Variants in JRK observed in about 807,000 individuals in gnomAD.
The protein encoded by JRK is jerky protein homolog.
For missense variants in JRK, 720 were observed against 509.2 expected, an observed-to-expected ratio of 1.41 and a Z score of -3.98; for synonymous variants, 303 against 218.1, an observed-to-expected ratio of 1.39 and a Z score of -3.43.
chr8:142,664,782 G>C lies in JRK; in HGVS notation c.1277C>G (p.Ser426Cys), dbSNP rs2129758942. The C allele has an allele frequency of 6.3e-7, 1 of 1,590,646 alleles. No individual in the cohort carries two copies. The highest frequency in any genetic ancestry group is 8.6e-7 in the Non-Finnish European group (1 of 1,169,290). The change falls in exon 2 of 2, where the codon TCC (serine) becomes TGC (cysteine). Residue 426 changes from serine to cysteine, a missense_variant. Physicochemically the swap from Ser to Cys is moderately radical, Grantham distance 112. Transcript: ENST00000612905. ...CTGGCGAAGCTGGCCCGGGCAGGAG[G>C]AGCCTTCCTTCACAAGCTCCAGGAT... is the stretch of plus-strand genomic sequence containing the variant. ...AHILELVKEG[S>C]SCPGQLRQRQ...
Position 142,665,740 on chromosome 8 carries a change from C to A in JRK, c.319G>T (p.Val107Leu), listed in dbSNP as rs782530496. The A allele has an allele frequency of 1.2e-5, 9 of 772,280 alleles. No homozygotes were observed. In the South Asian group the frequency reaches 1.2e-4, roughly 11 times the overall value. 47.8% of individuals were successfully genotyped at this position (772,280 alleles called of 1,614,324 possible). ...FLGKRSEGVP[V>L]SGPMLIEKAK... The stretch of plus-strand genomic sequence containing the variant: ...TTCTCGATGAGCATGGGGCCTGACA[C>A]GGGGACGCCCTCGGAGCGCTTCCCC... Residue 107 changes from valine to leucine, a missense_variant, in exon 2 of 2, where the codon GTG (valine) becomes TTG (leucine). By Grantham distance (32) the Val-to-Leu change is conservative (BLOSUM62 1). Coordinates refer to ENST00000612905, the MANE Select transcript of JRK (RefSeq NM_003724.4).
At chr8:142,667,898 C>T (rs371753483) in intron 1 of JRK, among the ~76,000 whole-genome samples, 2 of 152,380 alleles carry the variant, frequency 1.3e-5, no homozygotes, top group Middle Eastern at 3.4e-3. Flanking sequence ...ACACCCGAGC[C>T]GACTGGCAGG....
intron 1 of JRK, among the ~76,000 whole-genome samples, chr8:142,669,279 A>C (rs1048412338): frequency 2.0e-5 from 3 of 150,230 alleles, no homozygotes; most frequent in Non-Finnish European, 3.0e-5. Context: ...CTGGGGGAAG[A>C]GGTGAGCTGG....
intron 1 of JRK, among the ~76,000 whole-genome samples, chr8:142,669,508 A>G (rs587764145): frequency 3.2e-4 from 49 of 152,292 alleles, no homozygotes; most frequent in African/African-American, 9.9e-4. Context: ...AGTCTGGGAC[A>G]AGAACAAGAA....
chr8:142,663,857 C>T lies in JRK; in HGVS notation c.*495G>A, dbSNP rs1397276994. 6.1e-6 allele frequency: 6 copies of T among 988,132 alleles called. No homozygotes were observed. The highest frequency in any genetic ancestry group is 1.7e-5 in the African/African-American group (1 of 57,372). The allele number at this position is 988,132 out of a possible 1,614,324, so 61.2% of individuals were successfully genotyped here. On this transcript the variant is annotated 3_prime_UTR_variant, in exon 2 of 2. Transcript: ENST00000612905. ...CCATCGGACCTCAGGCAACCGTGCTCGGGGTCCACCCAACACGGGGATGGC... is the reference window on the plus strand; with the variant it reads ...CCATCGGACCTCAGGCAACCGTGCTTGGGGTCCACCCAACACGGGGATGGC...
At chr8:142,649,745 T>C in the JRK span, among the ~76,000 whole-genome samples, 1 of 151,296 alleles carries the variant, frequency 6.6e-6, no homozygotes, top group Non-Finnish European at 1.5e-5. Context: ...AGGAAGAAGT[T>C]TGCTGCAGGG....
chr8:142,663,729 A>G lies in JRK; in HGVS notation c.*623T>C. 1.0e-6 allele frequency: 1 copy of G among 985,488 alleles called. No individual in the cohort carries two copies. Among genetic ancestry groups the G allele is most frequent in the Middle Eastern group, 5.2e-4 (1 of 1,914 alleles). The allele number at this position is 985,488 out of a possible 1,614,324, so 61.0% of individuals were successfully genotyped here. A position where few individuals can be genotyped will look rare whatever the true frequency, so the allele number is the denominator to read the frequency against. On this transcript the variant is annotated 3_prime_UTR_variant, in exon 2 of 2. Transcript: ENST00000612905. ...ATGGGACAGGATCTGCGGGTAACAG[A>G]GGATGGTTCCAGAGTCATTCTGCTG... is the stretch of plus-strand genomic sequence containing the variant.
At position 142,663,729 on chromosome 8, in the gene JRK, A is replaced by T. The variant is rs1340057419; in HGVS notation, c.*623T>A. ...ATGGGACAGGATCTGCGGGTAACAG[A>T]GGATGGTTCCAGAGTCATTCTGCTG... On this transcript the variant is annotated 3_prime_UTR_variant, in exon 2 of 2. Transcript: ENST00000612905. 5.2e-5 allele frequency: 51 copies of T among 985,488 alleles called. No individual in the cohort carries two copies. The highest frequency in any genetic ancestry group is 5.8e-5 in the Non-Finnish European group (48 of 829,972). The allele number at this position is 985,488 out of a possible 1,614,324, so 61.0% of individuals were successfully genotyped here.
Position 142,665,234 on chromosome 8 carries a change from A to C in JRK, c.825T>G (p.Phe275Leu). 2.8e-6 allele frequency: 2 copies of C among 717,962 alleles called. 1 individual carries two copies. The highest frequency in any genetic ancestry group is 3.0e-5 in the South Asian group (2 of 67,592). The allele number at this position is 717,962 out of a possible 1,614,324, so 44.5% of individuals were successfully genotyped here. A position where few individuals can be genotyped will look rare whatever the true frequency, so the allele number is the denominator to read the frequency against. ...EIFSDWFHHI[F>L]VPSVREHFRT... ...TGAAGTGCTCTCTCACCGAGGGCAC[A>C]AAGATATGATGGAACCAATCGGAAA... is the stretch of plus-strand genomic sequence containing the variant. Residue 275 changes from phenylalanine to leucine, a missense_variant, in exon 2 of 2, where the codon TTT becomes TTG. Phe to Leu is a conservative substitution (Grantham distance 22). Transcript: ENST00000612905.
chr8:142,669,535 GA>G (rs1211636275), intron 1 of JRK, among the ~76,000 whole-genome samples: 2 of 151,796 alleles, frequency 1.3e-5, no homozygotes, highest in African/African-American at 4.8e-5. Context: ...CAGAAATGGA[GA>G]AAAAAAAGTC....
the JRK span, among the ~76,000 whole-genome samples, chr8:142,650,902 C>T: frequency 1.3e-5 from 2 of 152,186 alleles, no homozygotes; most frequent in Admixed American, 1.3e-4. Context: ...CTGAAACAAA[C>T]TTGTCTGTTT....
Position 142,665,266 on chromosome 8 carries a change from C to T in JRK, c.793G>A (p.Glu265Lys), listed in dbSNP as rs1847074564. The change falls in exon 2 of 2, where the codon GAG (glutamate) becomes AAG (lysine). Residue 265 changes from glutamate (E) to lysine (K), a missense_variant. Physicochemically the swap from Glu to Lys is moderately conservative, Grantham distance 56 (BLOSUM62 1). Coordinates refer to ENST00000612905, the MANE Select transcript of JRK (RefSeq NM_003724.4). ...KAQGNAWVDK[E>K]IFSDWFHHIF... ...TGATGGAACCAATCGGAAAAAATCT[C>T]CTTGTCCACCCAGGCGTTCCCCTGG... The T allele has an allele frequency of 1.4e-6, 1 of 717,904 alleles. No individual in the cohort carries two copies. The highest frequency in any genetic ancestry group is 2.6e-6 in the Non-Finnish European group (1 of 385,096). The allele number at this position is 717,904 out of a possible 1,614,324, so 44.5% of individuals were successfully genotyped here.
Position 142,661,937 on chromosome 8 carries a change from G to A in JRK, c.*2415C>T, listed in dbSNP as rs1442006570. 1 of 985,420 alleles carries A rather than the reference G, an allele frequency of 1.0e-6. No homozygotes were observed. Among genetic ancestry groups the A allele is most frequent in the Non-Finnish European group, 1.2e-6 (1 of 830,018 alleles). The allele number at this position is 985,420 out of a possible 1,614,324, so 61.0% of individuals were successfully genotyped here. ...GCAAGAGGTATGCACCAGGCAGCTG[G>A]GCCCAGCAGCTCAGAGATGAGTACG... On this transcript the variant is annotated 3_prime_UTR_variant, in exon 2 of 2. Coordinates refer to ENST00000612905, the MANE Select transcript of JRK (RefSeq NM_003724.4).
At position 142,663,784 on chromosome 8, in the gene JRK, G is replaced by A. The variant is rs946648698; in HGVS notation, c.*568C>T. On this transcript the variant is annotated 3_prime_UTR_variant, in exon 2 of 2. Coordinates refer to ENST00000612905, the MANE Select transcript of JRK (RefSeq NM_003724.4). ...AGGCCACAACTGAAGTGAGATGTGC[G>A]GCCTGTTCAGCCGCTAGCAGGCCAA... 34 of 985,658 alleles carry A rather than the reference G, an allele frequency of 3.4e-5. No individual in the cohort carries two copies. The highest frequency in any genetic ancestry group is 5.2e-4 in the Middle Eastern group (1 of 1,936). The allele number at this position is 985,658 out of a possible 1,614,324, so 61.1% of individuals were successfully genotyped here.
At chr8:142,666,637 A>C in intron 1 of JRK, 117 bp from the exon 2 acceptor site, 1 of 180,380 alleles carries the variant, frequency 5.5e-6, no homozygotes, top group Non-Finnish European at 1.2e-5. Flanking sequence ...TGTTGAGAGG[A>C]CCCATGCAAG....
At chr8:142,644,836 T>C in the JRK span, among the ~76,000 whole-genome samples, 7 of 152,242 alleles carry the variant, frequency 4.6e-5, no homozygotes, top group East Asian at 1.9e-4. Flanking sequence ...GACCATAAGA[T>C]AGAATTTTCA....
Position 142,660,024 on chromosome 8 carries a change from T to C in JRK, c.*4328A>G. ...GGAGTGGGCGTGTGGGGCTGGGAGC[T>C]GGGGCTCATGTGGGAGGCTGGTGGC... On this transcript the variant is annotated 3_prime_UTR_variant, in exon 2 of 2. Coordinates refer to ENST00000612905, the MANE Select transcript of JRK (RefSeq NM_003724.4). 1.0e-6 allele frequency: 1 copy of C among 985,954 alleles called. No individual in the cohort carries two copies. Among genetic ancestry groups the C allele is most frequent in the Non-Finnish European group, 1.2e-6 (1 of 830,302 alleles). 61.1% of individuals were successfully genotyped at this position (985,954 alleles called of 1,614,324 possible).
At position 142,666,156 on chromosome 8, in the gene JRK, T is replaced by C; in HGVS notation, c.-98A>G. The C allele has an allele frequency of 6.5e-7, 1 of 1,545,158 alleles. No individual in the cohort carries two copies. The highest frequency in any genetic ancestry group is 8.7e-7 in the Non-Finnish European group (1 of 1,144,362). Reference sequence around the variant, plus strand: ...CTCCTGCTCCCCTTCTGGGGCTCCGTCTCTCCCTCTCCACTCTGCCTGCCT... The same window carrying C: ...CTCCTGCTCCCCTTCTGGGGCTCCGCCTCTCCCTCTCCACTCTGCCTGCCT... On this transcript the variant is annotated 5_prime_UTR_variant, in exon 2 of 2. Transcript: ENST00000612905.
In JRK at chr8:142,664,277, T is replaced by A. The variant is rs1847008854; in HGVS notation, c.*75A>T. The A allele has an allele frequency of 6.8e-7, 1 of 1,461,738 alleles. No homozygotes were observed. Among genetic ancestry groups the A allele is most frequent in the Non-Finnish European group, 9.1e-7 (1 of 1,104,800 alleles). The allele number at this position is 1,461,738 out of a possible 1,614,324, so 90.5% of individuals were successfully genotyped here. On this transcript the variant is annotated 3_prime_UTR_variant, in exon 2 of 2. Coordinates refer to ENST00000612905, the MANE Select transcript of JRK (RefSeq NM_003724.4). The stretch of plus-strand genomic sequence containing the variant: ...ACATGCCCTCCTGCCTCAGGTGGGG[T>A]CGGGGCACAGGACCATGCCACTCCA...
Sources: allele counts gnomAD v4.1 joint callset (sites outside exome capture counted in the v4.1 genomes callset), GRCh38; gene constraint gnomAD v4.1.1; transcripts MANE v1.5; gene names NCBI Gene and HGNC (gene_info 2026-07-23, HGNC 2026-07-21).